Variants in BDNF observed in about 807,000 individuals in gnomAD.
BDNF encodes the protein neurotrophic factor BDNF precursor form.
Under a neutral mutation model 19.5 loss-of-function variants are expected in BDNF, and 1 was observed. The observed-to-expected ratio is 0.05, with a 90% confidence interval of 0.02 to 0.24. The LOEUF is 0.24. Among genes scored for constraint, BDNF ranks in the 10% least tolerant of loss-of-function variants. The pLI, the probability that BDNF is intolerant of heterozygous loss-of-function variation, is 1.00. For missense variants in BDNF, 195 were observed against 317.6 expected, an observed-to-expected ratio of 0.61 and a Z score of 2.93; for synonymous variants, 100 against 121.6, an observed-to-expected ratio of 0.82 and a Z score of 1.17.
At position 27,712,927 on chromosome 11, in the gene BDNF, CTTTTTTTT is replaced by C. The variant is rs112937534; in HGVS notation, c.3+8477_3+8484del. Among the ~76,000 whole-genome samples, 1,141 of 117,318 alleles carry C rather than the reference CTTTTTTTT, an allele frequency of 9.7e-3. 16 individuals are homozygous for C. Among genetic ancestry groups the C allele is most frequent in the East Asian group, 0.037 (134 of 3,600 alleles). The allele number at this position is 117,318 out of a possible 152,430, so 77.0% of individuals were successfully genotyped here. A position where few individuals can be genotyped will look rare whatever the true frequency, so the allele number is the denominator to read the frequency against. On this transcript the variant is annotated intron_variant, in intron 1 of 1. Coordinates refer to the BDNF transcript ENST00000314915. ...TGAGCAATTCTTTCTTTCTTTCTTTCTTTTTTTTTTTTTTTTTTTTGCCAGGCTGGAGT... is the reference window on the plus strand; with the variant it reads ...TGAGCAATTCTTTCTTTCTTTCTTTCTTTTTTTTTTTTGCCAGGCTGGAGT...
At chr11:27,687,585 G>C (rs1001054139) in intron 1 of BDNF, among the ~76,000 whole-genome samples, 1 of 152,164 alleles carries the variant, frequency 6.6e-6, no homozygotes, top group South Asian at 2.1e-4. Context: ...ACCTTTGTAC[G>C]GGGTTTTCGT....
At chr11:27,669,819 A>G (rs1855030774) in intron 1 of BDNF, among the ~76,000 whole-genome samples, 1 of 152,208 alleles carries the variant, frequency 6.6e-6, no homozygotes, top group Non-Finnish European at 1.5e-5. Context: ...TATCATGAAA[A>G]TGGCCATACT....
chr11:27,712,801 C>T (rs1029857048), intron 1 of BDNF, among the ~76,000 whole-genome samples: 9 of 151,704 alleles, frequency 5.9e-5, no homozygotes, highest in Admixed American at 4.6e-4. Context: ...AGGTGTGAGC[C>T]GTCGCGCCTG....
intron 1 of BDNF, among the ~76,000 whole-genome samples, chr11:27,706,569 G>T (rs1860120524): frequency 6.6e-6 from 1 of 152,174 alleles, no homozygotes; most frequent in Admixed American, 6.5e-5. Flanking sequence ...CAAAAGATCA[G>T]ATCTCACAAC....
At position 27,658,370 on chromosome 11, in the gene BDNF, G is replaced by A. The variant is rs756240390; in HGVS notation, c.195C>T (p.His65=). 3.6e-5 allele frequency: 58 copies of A among 1,613,966 alleles called. No individual in the cohort carries two copies. Among genetic ancestry groups the A allele is most frequent in the Non-Finnish European group, 4.5e-5 (53 of 1,180,022 alleles). ...GLTSLADTFE[H]VIEELLDEDQ... ...CCTCATCCAACAGCTCTTCTATCAC[G>A]TGTTCGAAAGTGTCAGCCAATGATG... is the stretch of plus-strand genomic sequence containing the variant. Residue 65 remains histidine (H), a synonymous_variant, in exon 2 of 2, where the codon CAC becomes CAT. Transcript: ENST00000356660. This position sits in a 1 kb window ranked among gnomAD's most constrained non-coding sequence, Gnocchi z 5.7.
intron 1 of BDNF, among the ~76,000 whole-genome samples, chr11:27,689,828 C>A (rs752143919): frequency 7.9e-5 from 12 of 152,026 alleles, no homozygotes; most frequent in Admixed American, 7.2e-4. Flanking sequence ...TATTAAGGCT[C>A]GCATGCATTA....
chr11:27,696,780 C>G (rs1179530419), intron 1 of BDNF, among the ~76,000 whole-genome samples: 1 of 152,188 alleles, frequency 6.6e-6, no homozygotes, highest in Non-Finnish European at 1.5e-5. Flanking sequence ...ACAAATTGAA[C>G]TCTTCCACAC....
chr11:27,679,109 G>T (rs1856548306), intron 1 of BDNF, among the ~76,000 whole-genome samples: 1 of 152,208 alleles, frequency 6.6e-6, no homozygotes, highest in Non-Finnish European at 1.5e-5. Flanking sequence ...AAGGTGCCTA[G>T]TTCCAGCTGG....
chr11:27,718,962 G>T (rs372949251), intron 1 of BDNF, among the ~76,000 whole-genome samples: 1 of 152,152 alleles, frequency 6.6e-6, no homozygotes, highest in Non-Finnish European at 1.5e-5. Flanking sequence ...AACTGCCACC[G>T]GGCTTGGCTC....
upstream of BDNF, chr11:27,700,564 C>A (rs1386754795): frequency 1.1e-5 from 10 of 949,802 alleles, no homozygotes; most frequent in East Asian, 1.3e-4. Flanking sequence ...CGCTCGCCCG[C>A]GCTACCGATA....
At chr11:27,712,621 T>A (rs1860374130) in intron 1 of BDNF, among the ~76,000 whole-genome samples, 1 of 151,726 alleles carries the variant, frequency 6.6e-6, no homozygotes, top group African/African-American at 2.4e-5. Context: ...ATTCAAGTGA[T>A]TCTCGTGCCT....
intron 1 of BDNF, among the ~76,000 whole-genome samples, chr11:27,666,538 A>G (rs1200637733): frequency 6.6e-6 from 1 of 152,212 alleles, no homozygotes; most frequent in African/African-American, 2.4e-5. Context: ...AAAAAACATT[A>G]GACGAATGGC....
rs772201255 is a variant in BDNF at position 27,657,971 on chromosome 11, G to T, written c.594C>A (p.Gly198=). The T allele has an allele frequency of 6.2e-7, 1 of 1,614,090 alleles. No homozygotes were observed. The highest frequency in any genetic ancestry group is 8.5e-7 in the Non-Finnish European group (1 of 1,180,034). ...GGGAGTTCCAATGCCTTTTGTCTAT[G>T]CCCCTGCAGCCTTCTTTTGTGTAAC... is the stretch of plus-strand genomic sequence containing the variant. ...PMGYTKEGCR[G]IDKRHWNSQC... The change falls in exon 2 of 2, where the codon GGC becomes GGA. Residue 198 remains glycine, a synonymous_variant. Coordinates refer to ENST00000356660, the MANE Select transcript of BDNF (RefSeq NM_001709.5). This position sits in a 1 kb window ranked among gnomAD's most constrained non-coding sequence, Gnocchi z 5.0.
At chr11:27,670,932 A>G (rs1855253837) in intron 1 of BDNF, among the ~76,000 whole-genome samples, 1 of 152,244 alleles carries the variant, frequency 6.6e-6, no homozygotes, top group Non-Finnish European at 1.5e-5. Context: ...ATTATAAATC[A>G]TGCTACTATA....
intron 1 of BDNF, among the ~76,000 whole-genome samples, chr11:27,680,740 A>G (rs540541476): frequency 6.6e-6 from 1 of 152,322 alleles, no homozygotes; most frequent in African/African-American, 2.4e-5. Context: ...GAGGAAAGAA[A>G]AGCAAACTTA....
intron 1 of BDNF, among the ~76,000 whole-genome samples, chr11:27,712,487 G>A (rs1860366644): frequency 6.6e-6 from 1 of 150,862 alleles, no homozygotes; most frequent in African/African-American, 2.4e-5. Context: ...GGCTTCCTTT[G>A]TAATCTTATA....
chr11:27,719,812 T>G, intron 1 of BDNF: 2 of 231,112 alleles, frequency 8.7e-6, no homozygotes, highest in Non-Finnish European at 1.4e-5. Context: ...AGAGAATGAA[T>G]CCTTCTCACT....
Position 27,658,762 on chromosome 11 carries a change from T to A in BDNF, c.-21-177A>T, listed in dbSNP as rs1348186727. ...AAATCAGTGTCAGTAGTGTGCTGTA[T>A]GTGGTTTAATATAAACCAGAGACAT... On this transcript the variant is annotated intron_variant, in intron 1 of 1. Transcript: ENST00000356660. The surrounding 1 kb of genome is among the most constrained non-coding windows in gnomAD (Gnocchi z 5.7). 1 of 1,492,522 alleles carries A rather than the reference T, an allele frequency of 6.7e-7. No individual in the cohort carries two copies. Among genetic ancestry groups the A allele is most frequent in the African/African-American group, 1.4e-5 (1 of 71,048 alleles). The allele number at this position is 1,492,522 out of a possible 1,614,324, so 92.5% of individuals were successfully genotyped here.
Position 27,656,027 on chromosome 11 carries a change from A to G in BDNF, c.*1794T>C, listed in dbSNP as rs1466485303. The G allele has an allele frequency of 1.3e-5, 2 of 152,156 alleles. No homozygotes were observed. The highest frequency in any genetic ancestry group is 4.8e-5 in the African/African-American group (2 of 41,410). The allele number at this position is 152,156 out of a possible 1,614,324, so 9.4% of individuals were successfully genotyped here. A position where few individuals can be genotyped will look rare whatever the true frequency, so the allele number is the denominator to read the frequency against. On this transcript the variant is annotated 3_prime_UTR_variant, in exon 2 of 2. Transcript: ENST00000356660. ...CTGTCCTGGCCTCTTCCATTGAGCA[A>G]GGCACCTTCAAGTCTTGGTGTTCTG...
Sources: gnomAD v4.1 joint callset for allele counts (sites outside exome capture counted in the v4.1 genomes callset) on GRCh38, gnomAD v4.1.1 for gene constraint, Gnocchi (gnomAD v3.1) non-coding constraint, MANE v1.5 for transcripts, NCBI Gene and HGNC (gene_info 2026-07-23, HGNC 2026-07-21) for gene names.